The following SESN3 variants were observed in gnomAD, a reference collection of about 807,000 sequenced individuals.
SESN3 encodes sestrin 3, also known as sestrin-3.
In SESN3, 21 loss-of-function variants were observed where a neutral mutation model predicts 55.3. The ratio of observed to expected loss-of-function variants is 0.38; its 90% CI spans 0.27 to 0.55. The LOEUF (loss-of-function observed/expected upper bound fraction) is 0.55. SESN3 is among the 20% of genes least tolerant of loss of function. The pLI, the probability that SESN3 is intolerant of heterozygous loss-of-function variation, is 0.76. For missense variants in SESN3, 408 were observed against 604.3 expected (o/e 0.68, Z 3.41); for synonymous variants, 181 against 203.1 (o/e 0.89, Z 0.93).
At chr11:95,226,625 A>G (rs1860952661) in intron 1 of SESN3, among the ~76,000 whole-genome samples, 1 of 152,220 alleles carries the variant, frequency 6.6e-6, no homozygotes, top group Admixed American at 6.5e-5. Flanking sequence ...CTTTTTAAAA[A>G]GCCAGTTCCT....
At chr11:95,180,645 C>T (rs1371947119) in intron 6 of SESN3, among the ~76,000 whole-genome samples, 2 of 152,100 alleles carry the variant, frequency 1.3e-5, no homozygotes, top group Admixed American at 1.3e-4. Context: ...ATCTTACTAA[C>T]ACCACTGTCA....
intron 2 of SESN3, 46 bp from the exon 3 acceptor site, chr11:95,191,647 C>CCAAG: frequency 6.8e-7 from 1 of 1,466,186 alleles, no homozygotes; most frequent in Non-Finnish European, 9.5e-7. Flanking sequence ...GAGACATAAA[C>CCAAG]ACACCCTTGG....
At chr11:95,216,235 A>G (rs1018802378) in intron 1 of SESN3, among the ~76,000 whole-genome samples, 8 of 152,210 alleles carry the variant, frequency 5.3e-5, no homozygotes, top group African/African-American at 1.9e-4. Flanking sequence ...AAACAATAAA[A>G]TGTGTTAAGA....
Position 95,230,798 on chromosome 11 carries a change from C to G in SESN3, c.63G>C (p.Arg21=). The stretch of plus-strand genomic sequence containing the variant: ...GAACCCGTACCTTCCGCAGCACTTT[C>G]CGGCAGTTGGTACAGAGCAGGTAGT... ...AANYLLCTNC[R]KVLRKDKRIR... Residue 21 remains arginine (R), a synonymous_variant, in exon 1 of 10, where the codon CGG becomes CGC. Coordinates refer to ENST00000536441, the MANE Select transcript of SESN3 (RefSeq NM_144665.4). The surrounding 1 kb of genome is among the most constrained non-coding windows in gnomAD (Gnocchi z 4.6). The G allele has an allele frequency of 1.2e-6, 2 of 1,607,394 alleles. No homozygotes were observed. The highest frequency in any genetic ancestry group is 2.3e-5 in the East Asian group (1 of 44,126).
chr11:95,186,740 T>C (rs758890290), intron 4 of SESN3, among the ~76,000 whole-genome samples: 4 of 151,852 alleles, frequency 2.6e-5, no homozygotes, highest in Non-Finnish European at 4.4e-5. Flanking sequence ...ATGTGTTAAT[T>C]AAAAAATAAA....
chr11:95,200,875 C>G (rs1860449950), intron 1 of SESN3: 1 of 151,972 alleles, frequency 6.6e-6, no homozygotes, highest in Non-Finnish European at 1.5e-5. Context: ...CTCAAAAGTA[C>G]TAGAGTTATC....
chr11:95,216,043 A>G (rs977765683), intron 1 of SESN3, among the ~76,000 whole-genome samples: 6 of 148,638 alleles, frequency 4.0e-5, no homozygotes, highest in Non-Finnish European at 7.4e-5. Flanking sequence ...GCTTGCAGTG[A>G]GCCGAGATCC....
chr11:95,201,411 G>A (rs1323300747), intron 1 of SESN3: 2 of 152,068 alleles, frequency 1.3e-5, no homozygotes, highest in Non-Finnish European at 2.9e-5. Context: ...ACATAGCAAA[G>A]GGCAGCTAAT....
rs899829852 is a variant in SESN3 at position 95,166,402 on chromosome 11, T to C, written c.*6853A>G. 2 of 152,156 alleles carry C rather than the reference T, an allele frequency of 1.3e-5. No homozygotes were observed. The highest frequency in any genetic ancestry group is 2.9e-5 in the Non-Finnish European group (2 of 68,030). The allele number at this position is 152,156 out of a possible 1,614,324, so 9.4% of individuals were successfully genotyped here. On this transcript the variant is annotated 3_prime_UTR_variant, in exon 10 of 10. Transcript: ENST00000536441. ...TTAATACTGATGAATTAAAGAGCTA[T>C]AACAGACATTTCACAGCATGCTACA...
At chr11:95,209,107 A>G (rs1263858981) in intron 1 of SESN3, among the ~76,000 whole-genome samples, 6 of 151,596 alleles carry the variant, frequency 4.0e-5, no homozygotes, top group African/African-American at 1.2e-4. Flanking sequence ...GCACAGCAAA[A>G]GAAACTATCA....
intron 1 of SESN3, among the ~76,000 whole-genome samples, chr11:95,229,862 AAT>A (rs1861018662): frequency 6.6e-6 from 1 of 152,204 alleles, no homozygotes; most frequent in Non-Finnish European, 1.5e-5. Flanking sequence ...AAAATGTAAA[AAT>A]AGAGTTTGAA....
At chr11:95,207,826 T>TTTTTGTTTTG (rs200933619) in intron 1 of SESN3, among the ~76,000 whole-genome samples, 1 of 150,978 alleles carries the variant, frequency 6.6e-6, no homozygotes, top group Non-Finnish European at 1.5e-5. Context: ...CTATATGTTT[T>TTTTTGTTTTG]TTTTGTTTTG....
intron 9 of SESN3, among the ~76,000 whole-genome samples, chr11:95,174,673 T>C (rs746579146): frequency 1.3e-5 from 2 of 152,022 alleles, no homozygotes; most frequent in Non-Finnish European, 2.9e-5. Context: ...TTAGTAGAAA[T>C]GGGGTTTCAC....
At position 95,169,087 on chromosome 11, in the gene SESN3, C is replaced by G. The variant is rs967583770; in HGVS notation, c.*4168G>C. Reference sequence around the variant, plus strand: ...ACCTCTCTTATCCATTTCACCCCAGCTATTTTTGTTCTAGGTCTCACCTGG... The same window carrying G: ...ACCTCTCTTATCCATTTCACCCCAGGTATTTTTGTTCTAGGTCTCACCTGG... On this transcript the variant is annotated 3_prime_UTR_variant, in exon 10 of 10. Coordinates refer to ENST00000536441, the MANE Select transcript of SESN3 (RefSeq NM_144665.4). 2.0e-5 allele frequency: 3 copies of G among 152,222 alleles called. No individual in the cohort carries two copies. Among genetic ancestry groups the G allele is most frequent in the Non-Finnish European group, 2.9e-5 (2 of 68,048 alleles). The allele number at this position is 152,222 out of a possible 1,614,324, so 9.4% of individuals were successfully genotyped here.
chr11:95,192,366 T>C (rs1860285217), intron 2 of SESN3, among the ~76,000 whole-genome samples: 1 of 152,094 alleles, frequency 6.6e-6, no homozygotes, highest in Non-Finnish European at 1.5e-5. Flanking sequence ...GTAGAAAGAC[T>C]CAACCCTGTG....
chr11:95,204,592 G>T (rs1860514482), intron 1 of SESN3, among the ~76,000 whole-genome samples: 1 of 151,990 alleles, frequency 6.6e-6, no homozygotes, highest in East Asian at 1.9e-4. Flanking sequence ...TCATGAATGG[G>T]ATTAGTGCCC....
rs375059246 is a variant in SESN3, at chr11:95,209,053, A to C, written c.79-15531T>G. On this transcript the variant is annotated intron_variant, in intron 1 of 9. Transcript: ENST00000536441. ...AAACACCAAAAGCAATGGCAACAAA[A>C]GCCAAAATAGACAAATGGGATCTAA... Among the ~76,000 whole-genome samples, 8 of 151,760 alleles carry C rather than the reference A, an allele frequency of 5.3e-5. No individual in the cohort carries two copies. In the East Asian group the frequency reaches 1.2e-3, roughly 22 times the overall value.
chr11:95,205,968 TA>T (rs1860538985), intron 1 of SESN3, among the ~76,000 whole-genome samples: 1 of 152,150 alleles, frequency 6.6e-6, no homozygotes, highest in South Asian at 2.1e-4. Context: ...GCCCCTAACC[TA>T]ACTTTTCAAC....
intron 1 of SESN3, among the ~76,000 whole-genome samples, chr11:95,206,858 T>C (rs1817053823): frequency 6.6e-6 from 1 of 151,988 alleles, no homozygotes; most frequent in African/African-American, 2.4e-5. Context: ...TACAGTGGCA[T>C]GATCTCAGCT....
Sources: gnomAD v4.1 joint callset for allele counts (sites outside exome capture counted in the v4.1 genomes callset) on GRCh38, gnomAD v4.1.1 for gene constraint, Gnocchi (gnomAD v3.1) non-coding constraint, MANE v1.5 for transcripts, NCBI Gene and HGNC (gene_info 2026-07-23, HGNC 2026-07-21) for gene names.